KCNN2: variants seen among roughly 807,000 people sequenced by gnomAD.
KCNN2 encodes the protein small conductance calcium-activated potassium channel protein 2.
In KCNN2, 24 loss-of-function variants were observed where a neutral mutation model predicts 55.5. The observed-to-expected ratio is 0.43, with a 90% CI of 0.31 to 0.61. KCNN2 has a LOEUF of 0.61. Among genes scored for constraint, KCNN2 ranks in the 20% least tolerant of loss-of-function variants. KCNN2 has a pLI of 0.08. For synonymous variants in KCNN2, 431 were observed against 336.1 expected, an observed-to-expected ratio of 1.28 and a Z score of -3.09; for missense variants, 754 against 853.6, an observed-to-expected ratio of 0.88 and a Z score of 1.45.
chr5:114,362,777 T>G lies in KCNN2; in HGVS notation c.638T>G (p.Met213Arg). The change falls in exon 1 of 8, where the codon ATG becomes AGG. Residue 213 changes from methionine (M) to arginine (R), a missense_variant. Transcript: ENST00000673685. ...AGCAACCCCTTCACCGAAATAGCCA[T>G]GAGCAGCTGCAGGTACAACGGGGGC... The part of the protein sequence containing the change: ...RESNPFTEIA[M>R]SSCRYNGGVM... 6.3e-7 allele frequency: 1 copy of G among 1,586,264 alleles called. No individual in the cohort carries two copies. The highest frequency in any genetic ancestry group is 2.2e-5 in the East Asian group (1 of 44,606).
intron 4 of KCNN2, among the ~76,000 whole-genome samples, chr5:114,472,369 A>C (rs752293214): frequency 2.0e-5 from 3 of 152,214 alleles, no homozygotes; most frequent in Non-Finnish European, 4.4e-5. Flanking sequence ...TGTAATTCAA[A>C]AAGGAACACT....
rs148920758 is a variant in KCNN2 at position 114,473,803 on chromosome 5, C to T, written c.1890+639C>T. Among the ~76,000 whole-genome samples, 154 of 152,136 alleles carry T rather than the reference C, an allele frequency of 1.0e-3. 1 individual carries two copies. Among genetic ancestry groups the T allele is most frequent in the Non-Finnish European group, 1.9e-3 (127 of 68,006 alleles). The stretch of plus-strand genomic sequence containing the variant: ...TAAACTCACTTCATCCTCATAACAG[C>T]GTTATGAGGGAAGTGCTATTATTCT... On this transcript the variant is annotated intron_variant, in intron 5 of 7. Transcript: ENST00000673685.
intron 2 of KCNN2, among the ~76,000 whole-genome samples, chr5:114,366,281 G>A (rs1757596962): frequency 6.6e-6 from 1 of 152,046 alleles, no homozygotes; most frequent in Admixed American, 6.6e-5. Context: ...CCTTACTGTT[G>A]GTCAACATAA....
At position 114,149,593 on chromosome 5, in the gene KCNN2, A is replaced by G. The variant is rs544616076; in HGVS notation, c.-270-71887A>G. On this transcript the variant is annotated intron_variant, in intron 1 of 10. Transcript: ENST00000512097. Reference sequence around the variant, plus strand: ...TTTAGGGTCATTTGATTATGAGGTGAGATGGTCACATGGGAATGAAGTAAT... The same window carrying G: ...TTTAGGGTCATTTGATTATGAGGTGGGATGGTCACATGGGAATGAAGTAAT... Among the ~76,000 whole-genome samples, 15 of 152,250 alleles carry G rather than the reference A, an allele frequency of 9.9e-5. 1 individual carries two copies. In the South Asian group the frequency reaches 2.9e-3, roughly 29 times the overall value.
chr5:114,368,872 T>TG lies in KCNN2; in HGVS notation c.1218+4871_1218+4872insG, dbSNP rs1195864403. Among the ~76,000 whole-genome samples the TG allele has an allele frequency of 5.9e-5, 9 of 151,554 alleles. No individual in the cohort carries two copies. In the East Asian group the frequency reaches 1.7e-3, roughly 29 times the overall value. ...CAGCAGCAGTAGGGACCTATTTCAT[T>TG]TTTTTTTAGCAGGTACATGAGATCC... On this transcript the variant is annotated intron_variant, in intron 2 of 7. Transcript: ENST00000673685.
At chr5:114,095,630 A>T (rs1485027026) in intron 1 of KCNN2, among the ~76,000 whole-genome samples, 1 of 152,122 alleles carries the variant, frequency 6.6e-6, no homozygotes. Context: ...TTTAAGCACC[A>T]TTCAGTTGGC....
intron 5 of KCNN2, chr5:114,486,745 T>A: frequency 1.2e-5 from 16 of 1,299,116 alleles, no homozygotes; most frequent in Non-Finnish European, 1.6e-5. Context: ...GGTGGAGAAC[T>A]CAACACCCCT....
intron 3 of KCNN2, among the ~76,000 whole-genome samples, chr5:114,410,795 G>C (rs1001872515): frequency 2.6e-5 from 4 of 152,080 alleles, no homozygotes; most frequent in East Asian, 3.9e-4. Flanking sequence ...AATGGAAAAG[G>C]GTCATTTGGT....
intron 1 of KCNN2, among the ~76,000 whole-genome samples, chr5:114,168,549 A>T (rs1463034744): frequency 6.6e-6 from 1 of 152,014 alleles, no homozygotes; most frequent in Non-Finnish European, 1.5e-5. Flanking sequence ...TTTGCAGTAA[A>T]TTTTGTTGAG....
intron 3 of KCNN2, among the ~76,000 whole-genome samples, chr5:114,411,018 G>T (rs1759114345): frequency 2.0e-5 from 3 of 152,104 alleles, no homozygotes. Flanking sequence ...GATGAATAAA[G>T]AATAAATTCT....
At chr5:114,080,411 C>G (rs1325597435) in intron 1 of KCNN2, among the ~76,000 whole-genome samples, 1 of 152,114 alleles carries the variant, frequency 6.6e-6, no homozygotes, top group African/African-American at 2.4e-5. Flanking sequence ...ACCAGTGAAG[C>G]CTTCCGGGCC....
chr5:114,471,837 C>T lies in KCNN2; in HGVS notation c.1780-1217C>T, dbSNP rs906067098. Reference sequence around the variant, plus strand: ...GTTTCCATGATCATAATGATCAGGTCGTGTATTTATTTTCTCCTTTTCTCC... The same window carrying T: ...GTTTCCATGATCATAATGATCAGGTTGTGTATTTATTTTCTCCTTTTCTCC... On this transcript the variant is annotated intron_variant, in intron 4 of 7. Coordinates refer to ENST00000673685, the MANE Select transcript of KCNN2 (RefSeq NM_021614.4). Among the ~76,000 whole-genome samples the T allele has an allele frequency of 7.9e-5, 12 of 152,112 alleles. No individual in the cohort carries two copies. The South Asian group carries it at 2.3e-3, about 29-fold the overall frequency.
rs1760198993 is a variant in KCNN2, at chr5:114,441,261, G to T, written c.1638-21788G>T. Among the ~76,000 whole-genome samples the T allele has an allele frequency of 3.9e-5, 6 of 152,254 alleles. 1 individual carries two copies. In the South Asian group the frequency reaches 1.2e-3, roughly 32 times the overall value. On this transcript the variant is annotated intron_variant, in intron 3 of 7. Coordinates refer to ENST00000673685, the MANE Select transcript of KCNN2 (RefSeq NM_021614.4). ...TATAGTGCAAGGTTAATACAACTCAGTATTTAATGAGTCATGCAGATGAAA... is the reference window on the plus strand; with the variant it reads ...TATAGTGCAAGGTTAATACAACTCATTATTTAATGAGTCATGCAGATGAAA...
intron 2 of KCNN2, among the ~76,000 whole-genome samples, chr5:114,222,648 T>A (rs1754164375): frequency 6.6e-6 from 1 of 152,168 alleles, no homozygotes; most frequent in African/African-American, 2.4e-5. Context: ...ATGGCACAAT[T>A]TCAGCGCAGG....
intron 2 of KCNN2, among the ~76,000 whole-genome samples, chr5:114,296,084 T>C (rs2150020248): frequency 6.6e-6 from 1 of 152,336 alleles, no homozygotes; most frequent in Admixed American, 6.5e-5. Context: ...TACTGTACTC[T>C]ATCCTCAGAT....
At chr5:114,258,490 A>G (rs1175074728) in intron 2 of KCNN2, among the ~76,000 whole-genome samples, 1 of 151,296 alleles carries the variant, frequency 6.6e-6, no homozygotes, top group East Asian at 1.9e-4. Context: ...TTTTCTTGGG[A>G]GATTTTTTAT....
At chr5:114,280,649 C>T (rs1755605176) in intron 2 of KCNN2, among the ~76,000 whole-genome samples, 1 of 152,240 alleles carries the variant, frequency 6.6e-6, no homozygotes, top group Admixed American at 6.5e-5. Context: ...TATTCTGTTC[C>T]ATTAAGTCAC....
intron 2 of KCNN2, among the ~76,000 whole-genome samples, chr5:114,333,243 C>T (rs1197196908): frequency 6.6e-6 from 1 of 152,150 alleles, no homozygotes; most frequent in African/African-American, 2.4e-5. Context: ...GCAAACCTGC[C>T]ACCAAATGAA....
intron 2 of KCNN2, among the ~76,000 whole-genome samples, chr5:114,311,051 G>A (rs1034016471): frequency 1.8e-4 from 27 of 151,974 alleles, no homozygotes; most frequent in African/African-American, 6.5e-4. Context: ...CTAGTTTTCT[G>A]CAAATTTGGG....
Sources: gnomAD v4.1 joint callset for allele counts (sites outside exome capture counted in the v4.1 genomes callset) on GRCh38, gnomAD v4.1.1 for gene constraint, MANE v1.5 for transcripts, NCBI Gene and HGNC (gene_info 2026-07-23, HGNC 2026-07-21) for gene names.